NRXN3: variants seen among roughly 807,000 people sequenced by gnomAD.
NRXN3 encodes neurexin III.
A neutral mutation model predicts 137.6 loss-of-function variants in NRXN3; 32 were observed. The ratio of observed to expected loss-of-function variants is 0.23; its 90% CI spans 0.18 to 0.31. NRXN3 has a LOEUF of 0.31. NRXN3 is among the 10% of genes least tolerant of loss of function. The pLI, the probability that NRXN3 is intolerant of heterozygous loss-of-function variation, is 1.00. For synonymous variants in NRXN3, 798 were observed against 784.5 expected, an observed-to-expected ratio of 1.02 and a Z score of -0.29; for missense variants, 1,574 against 2,062.5, an observed-to-expected ratio of 0.76 and a Z score of 4.59.
intron 6 of NRXN3, among the ~76,000 whole-genome samples, chr14:78,704,733 A>G (rs935018193): frequency 1.3e-5 from 2 of 152,176 alleles, no homozygotes; most frequent in Non-Finnish European, 2.9e-5. Flanking sequence ...ATCTTGGGCA[A>G]GTATGTATCC....
chr14:78,661,265 C>A (rs1035732362), intron 6 of NRXN3, among the ~76,000 whole-genome samples: 3 of 152,134 alleles, frequency 2.0e-5, no homozygotes, highest in Non-Finnish European at 4.4e-5. Flanking sequence ...TCATATCAAC[C>A]AAATTCACAT....
intron 4 of NRXN3, among the ~76,000 whole-genome samples, chr14:78,340,441 G>T (rs2082020302): frequency 6.6e-6 from 1 of 152,168 alleles, no homozygotes; most frequent in South Asian, 2.1e-4. Context: ...TCATGATTCA[G>T]TGGGTTGACT....
chr14:79,261,230 G>C (rs942268779), intron 15 of NRXN3, among the ~76,000 whole-genome samples: 2 of 152,124 alleles, frequency 1.3e-5, no homozygotes, highest in Non-Finnish European at 2.9e-5. Flanking sequence ...ACAAAGAAGA[G>C]AAGCAGAACA....
At chr14:78,519,972 A>G (rs1207831085) in intron 4 of NRXN3, among the ~76,000 whole-genome samples, 1 of 152,196 alleles carries the variant, frequency 6.6e-6, no homozygotes, top group Non-Finnish European at 1.5e-5. Context: ...AAGTCAACCA[A>G]AGAAGACCCA....
At chr14:78,703,570 T>C (rs1355295807) in intron 6 of NRXN3, 1 of 152,174 alleles carries the variant, frequency 6.6e-6, no homozygotes, top group Admixed American at 6.5e-5. Flanking sequence ...TAAGTATATA[T>C]TTATTTTTTT....
intron 16 of NRXN3, chr14:79,633,377 G>A (rs373779428): frequency 2.0e-5 from 3 of 151,766 alleles, no homozygotes; most frequent in South Asian, 4.1e-4. Context: ...CCACTGGGTG[G>A]ACCTCTATGG....
At chr14:78,777,271 A>G (rs1352571205) in intron 8 of NRXN3, among the ~76,000 whole-genome samples, 1 of 152,186 alleles carries the variant, frequency 6.6e-6, no homozygotes, top group East Asian at 1.9e-4. Context: ...AAAACAACTA[A>G]TATGGGCACA....
chr14:79,442,965 G>A (rs1031912724), intron 15 of NRXN3, among the ~76,000 whole-genome samples: 4 of 152,150 alleles, frequency 2.6e-5, no homozygotes, highest in Non-Finnish European at 5.9e-5. Context: ...GAAATGAGCC[G>A]GCGAGGCCAA....
intron 15 of NRXN3, among the ~76,000 whole-genome samples, chr14:79,105,111 A>T (rs1194234662): frequency 1.3e-5 from 2 of 152,172 alleles, no homozygotes; most frequent in African/African-American, 2.4e-5. Context: ...CACCCCAGAC[A>T]GACACTTCTC....
intron 8 of NRXN3, among the ~76,000 whole-genome samples, chr14:78,717,493 A>G (rs1475623089): frequency 1.3e-5 from 2 of 152,120 alleles, no homozygotes; most frequent in Non-Finnish European, 2.9e-5. Flanking sequence ...TCCCCTACTA[A>G]TTGTTTTTTG....
intron 20 of NRXN3, among the ~76,000 whole-genome samples, chr14:79,829,291 T>C (rs1208536389): frequency 6.6e-6 from 1 of 152,258 alleles, no homozygotes; most frequent in Admixed American, 6.5e-5. Flanking sequence ...TGTTTCAGAA[T>C]ACCTGTCTCT....
chr14:78,589,217 G>T (rs2097094363), intron 4 of NRXN3, among the ~76,000 whole-genome samples: 1 of 152,150 alleles, frequency 6.6e-6, no homozygotes, highest in Non-Finnish European at 1.5e-5. Flanking sequence ...GCAGATACAG[G>T]AGCCCTCAAG....
chr14:79,808,142 G>A (rs2099216068), intron 20 of NRXN3, among the ~76,000 whole-genome samples: 1 of 151,594 alleles, frequency 6.6e-6, no homozygotes, highest in South Asian at 2.1e-4. Flanking sequence ...GGAGGCTGAG[G>A]TAGAGAAGTG....
intron 4 of NRXN3, among the ~76,000 whole-genome samples, chr14:78,336,127 G>T (rs151180211): frequency 3.1e-4 from 47 of 152,244 alleles, no homozygotes; most frequent in African/African-American, 1.1e-3. Context: ...TGGAGTTGTG[G>T]CCAGGTATCT....
chr14:79,532,226 T>C (rs924005644), intron 16 of NRXN3, among the ~76,000 whole-genome samples: 3 of 152,210 alleles, frequency 2.0e-5, no homozygotes, highest in Admixed American at 2.0e-4. Flanking sequence ...TGTGTATGTC[T>C]TTATGTAAGT....
intron 15 of NRXN3, among the ~76,000 whole-genome samples, chr14:79,247,934 T>TGG (rs2075422825): frequency 6.6e-6 from 1 of 152,132 alleles, no homozygotes; most frequent in Non-Finnish European, 1.5e-5. Flanking sequence ...TCACCACTTG[T>TGG]TATCTATCAC....
rs144339402 is a variant in NRXN3, at chr14:78,546,561, G to A, written c.758-98559G>A. Among the ~76,000 whole-genome samples, 147 of 151,930 alleles carry A rather than the reference G, an allele frequency of 9.7e-4. 2 individuals carry two copies. Among genetic ancestry groups the A allele is most frequent in the African/African-American group, 2.3e-3 (94 of 41,442 alleles). On this transcript the variant is annotated intron_variant, in intron 4 of 20. Coordinates refer to ENST00000335750, the MANE Select transcript of NRXN3 (RefSeq NM_001330195.2). Reference sequence around the variant, plus strand: ...AGTCTTCGTAGAGAATGTTTTCCCCGTCCCCACCTTTAAAAAGTGTGTTTA... The same window carrying A: ...AGTCTTCGTAGAGAATGTTTTCCCCATCCCCACCTTTAAAAAGTGTGTTTA...
chr14:78,218,293 C>T (rs1450506477), intron 1 of NRXN3, among the ~76,000 whole-genome samples: 8 of 152,074 alleles, frequency 5.3e-5, no homozygotes, highest in Admixed American at 2.0e-4. Flanking sequence ...GGAGTTGAGG[C>T]TGCAGTAAGC....
intron 15 of NRXN3, among the ~76,000 whole-genome samples, chr14:79,044,698 A>AAC (rs61363440): frequency 1.3e-3 from 201 of 150,204 alleles, no homozygotes; most frequent in Middle Eastern, 3.5e-3. Context: ...CTCAAAAGTG[A>AAC]ACACACACAC....
Sources: gnomAD v4.1 joint callset for allele counts (sites outside exome capture counted in the v4.1 genomes callset) on GRCh38, gnomAD v4.1.1 for gene constraint, MANE v1.5 for transcripts, NCBI Gene and HGNC (gene_info 2026-07-23, HGNC 2026-07-21) for gene names.